The following SYTL3 variants were observed in gnomAD, a reference collection of about 807,000 sequenced individuals.
SYTL3 encodes synaptotagmin like 3.
A neutral mutation model predicts 82.1 loss-of-function variants in SYTL3; 88 were observed. The ratio of observed to expected loss-of-function variants is 1.07; its 90% CI spans 0.90 to 1.28. The LOEUF (loss-of-function observed/expected upper bound fraction) is 1.28. Ranked by LOEUF, SYTL3 falls within the 50% of genes most tolerant of loss-of-function variation. The probability of loss-of-function intolerance (pLI) is 0.00; values close to 1 mark genes in which losing one functional copy is unlikely to be tolerated. For synonymous variants in SYTL3, 311 were observed against 289.4 expected, an observed-to-expected ratio of 1.07 and a Z score of -0.76; for missense variants, 831 against 757.6, an observed-to-expected ratio of 1.10 and a Z score of -1.14.
chr6:158,723,643 G>C (rs542300386), intron 10 of SYTL3, among the ~76,000 whole-genome samples: 13 of 152,210 alleles, frequency 8.5e-5, no homozygotes, highest in African/African-American at 3.1e-4. Context: ...CCATCTCCAG[G>C]ACTTTCTTCT....
Position 158,762,084 on chromosome 6 carries a change from C to T in SYTL3, c.1423C>T (p.Gln475Ter), listed in dbSNP as rs766430384. Residue 475 changes from glutamine (Q) to a stop codon, truncating the protein, a stop_gained, in exon 16 of 18, where the codon CAG becomes TAG. Coordinates refer to ENST00000611299, the MANE Select transcript of SYTL3 (RefSeq NM_001242394.2). LOFTEE classifies it high-confidence loss of function. ...KLQEAQEGTD[Q>*]PSLHGQLCLV... ...ACTGGCTTTCCTTCCAGGGACAGATCAGCCATCACTTCATGGTCAACTTTG... is the reference window on the plus strand; with the variant it reads ...ACTGGCTTTCCTTCCAGGGACAGATTAGCCATCACTTCATGGTCAACTTTG... 9.3e-6 allele frequency: 15 copies of T among 1,612,850 alleles called. No individual in the cohort carries two copies. Among genetic ancestry groups the T allele is most frequent in the Non-Finnish European group, 1.2e-5 (14 of 1,178,984 alleles).
rs758185820 is a variant in SYTL3 at position 158,764,670 on chromosome 6, G to A, written c.*66G>A. On this transcript the variant is annotated 3_prime_UTR_variant, in exon 18 of 18. Coordinates refer to ENST00000611299, the MANE Select transcript of SYTL3 (RefSeq NM_001242394.2). Reference sequence around the variant, plus strand: ...CACTGTGCGTCTGCAGAGGGGCTACGAACCAGGTGCAGGGTCCCAGCTGGA... The same window carrying A: ...CACTGTGCGTCTGCAGAGGGGCTACAAACCAGGTGCAGGGTCCCAGCTGGA... 1.9e-5 allele frequency: 22 copies of A among 1,184,080 alleles called. No individual in the cohort carries two copies. The highest frequency in any genetic ancestry group is 1.9e-4 in the Middle Eastern group (1 of 5,276). The allele number at this position is 1,184,080 out of a possible 1,614,324, so 73.3% of individuals were successfully genotyped here. A position where few individuals can be genotyped will look rare whatever the true frequency, so the allele number is the denominator to read the frequency against.
chr6:158,737,429 T>G (rs1786328042), intron 11 of SYTL3, among the ~76,000 whole-genome samples: 1 of 152,250 alleles, frequency 6.6e-6, no homozygotes, highest in Non-Finnish European at 1.5e-5. Context: ...CTGAGTTTTC[T>G]GCCCTTGTGA....
intron 5 of SYTL3, among the ~76,000 whole-genome samples, chr6:158,676,316 A>C (rs1163967379): frequency 6.6e-6 from 1 of 152,152 alleles, no homozygotes; most frequent in African/African-American, 2.4e-5. Flanking sequence ...AGGATTCCCT[A>C]TTTAATAAAT....
chr6:158,725,361 A>C, intron 10 of SYTL3, 142 bp from the exon 11 acceptor site: 1 of 823,896 alleles, frequency 1.2e-6, no homozygotes. Flanking sequence ...GCACGCATTT[A>C]CCAAATGCAG....
At chr6:158,703,504 G>A (rs1781569215) in intron 6 of SYTL3, among the ~76,000 whole-genome samples, 1 of 152,230 alleles carries the variant, frequency 6.6e-6, no homozygotes, top group Non-Finnish European at 1.5e-5. Flanking sequence ...GCTCTTTAAG[G>A]AAGCTTCTAG....
Position 158,663,251 on chromosome 6 carries a change from A to G in SYTL3, c.-18A>G. On this transcript the variant is annotated 5_prime_UTR_variant, in exon 4 of 18. Coordinates refer to ENST00000611299, the MANE Select transcript of SYTL3 (RefSeq NM_001242394.2). Reference sequence around the variant, plus strand: ...CAGTGAAGCTCTTCCAACCTGGGTCAACGAAAACGGAGAAGAAATGGCCCA... The same window carrying G: ...CAGTGAAGCTCTTCCAACCTGGGTCGACGAAAACGGAGAAGAAATGGCCCA... 6.2e-7 allele frequency: 1 copy of G among 1,613,608 alleles called. No individual in the cohort carries two copies. Among genetic ancestry groups the G allele is most frequent in the East Asian group, 2.2e-5 (1 of 44,876 alleles).
At chr6:158,676,810 CA>C (rs1327754151) in intron 5 of SYTL3, among the ~76,000 whole-genome samples, 5 of 152,120 alleles carry the variant, frequency 3.3e-5, no homozygotes, top group African/African-American at 1.2e-4. Flanking sequence ...AAAAAATGCT[CA>C]TCATCACTGG....
Position 158,762,118 on chromosome 6 carries a change from T to G in SYTL3, c.1457T>G (p.Val486Gly), listed in dbSNP as rs755466241. The G allele has an allele frequency of 6.2e-7, 1 of 1,614,056 alleles. No individual in the cohort carries two copies. The highest frequency in any genetic ancestry group is 8.5e-7 in the Non-Finnish European group (1 of 1,179,996). The stretch of plus-strand genomic sequence containing the variant: ...CTTCATGGTCAACTTTGTTTGGTAG[T>G]GCTAGGAGCCAAGAATTTACCTGTG... ...PSLHGQLCLV[V>G]LGAKNLPVRP... The change falls in exon 16 of 18, where the codon GTG becomes GGG. Residue 486 changes from valine (V) to glycine (G), a missense_variant. By Grantham distance (109) the Val-to-Gly change is moderately radical (BLOSUM62 -3). Coordinates refer to ENST00000611299, the MANE Select transcript of SYTL3 (RefSeq NM_001242394.2).
At chr6:158,673,921 T>C (rs1777696705) in intron 5 of SYTL3, among the ~76,000 whole-genome samples, 1 of 150,734 alleles carries the variant, frequency 6.6e-6, no homozygotes, top group African/African-American at 2.4e-5. Flanking sequence ...CTGTCTCTAC[T>C]AAAAATACAA....
intron 17 of SYTL3, among the ~76,000 whole-genome samples, chr6:158,763,940 G>A (rs1187608934): frequency 6.6e-6 from 1 of 151,934 alleles, no homozygotes; most frequent in Non-Finnish European, 1.5e-5. Flanking sequence ...GCCCTCTGCT[G>A]TGAGGTTCTG....
At chr6:158,763,205 G>A (rs762659389) in intron 16 of SYTL3, 99 bp from the exon 17 acceptor site, 15 of 1,153,608 alleles carry the variant, frequency 1.3e-5, no homozygotes, top group Non-Finnish European at 1.9e-5. Flanking sequence ...TGTGGACTTG[G>A]CACTTTTCTT....
At chr6:158,708,171 G>T in intron 7 of SYTL3, 151 bp from the exon 8 acceptor site, 1 of 710,332 alleles carries the variant, frequency 1.4e-6, no homozygotes, top group East Asian at 2.6e-5. Flanking sequence ...GGTCCAAGCA[G>T]GGCTGCTGGC....
intron 11 of SYTL3, among the ~76,000 whole-genome samples, chr6:158,735,482 G>A (rs559628348): frequency 3.5e-4 from 53 of 152,070 alleles, no homozygotes; most frequent in Non-Finnish European, 6.9e-4. Flanking sequence ...GCATTGAATC[G>A]TAACCTGTTC....
At chr6:158,713,494 C>T (rs1782998020) in intron 8 of SYTL3, among the ~76,000 whole-genome samples, 1 of 152,100 alleles carries the variant, frequency 6.6e-6, no homozygotes, top group Non-Finnish European at 1.5e-5. Context: ...CAATGAAATG[C>T]CAGTCATCAT....
chr6:158,656,181 G>C (rs1245980584), intron 2 of SYTL3, among the ~76,000 whole-genome samples: 1 of 152,178 alleles, frequency 6.6e-6, no homozygotes, highest in African/African-American at 2.4e-5. Context: ...TCACCCTAGA[G>C]ATGCCTTCTC....
intron 6 of SYTL3, among the ~76,000 whole-genome samples, chr6:158,692,298 G>A (rs1221826586): frequency 6.6e-5 from 8 of 121,476 alleles, no homozygotes; most frequent in Non-Finnish European, 1.7e-5. Context: ...AAAAAAAAGG[G>A]TTAAATGTAA....
intron 6 of SYTL3, among the ~76,000 whole-genome samples, chr6:158,702,326 CAAA>C (rs1193990568): frequency 9.9e-5 from 7 of 70,668 alleles, no homozygotes; most frequent in Non-Finnish European, 8.9e-5. Flanking sequence ...GACTCTGTCT[CAAA>C]AAAAAAAAAA....
chr6:158,763,345 C>G lies in SYTL3; in HGVS notation c.1559C>G (p.Ser520Trp), dbSNP rs766062802. Residue 520 changes from serine to tryptophan, a missense_variant, in exon 17 of 18, where the codon TCG (serine) becomes TGG (tryptophan). By Grantham distance (177) the Ser-to-Trp change is radical. Transcript: ENST00000611299. ...GACCAACAAAAACTGAGACTGAAGT[C>G]GCCAGTCCTGAGGAAGCAGGCTTGC... is the stretch of plus-strand genomic sequence containing the variant. ...LPDQQKLRLKSPVLRKQACPQ... is the reference protein window; with the variant it reads ...LPDQQKLRLKWPVLRKQACPQ... The G allele has an allele frequency of 1.9e-6, 3 of 1,614,070 alleles. No individual in the cohort carries two copies. Among genetic ancestry groups the G allele is most frequent in the Non-Finnish European group, 2.5e-6 (3 of 1,180,046 alleles).
Sources: gnomAD v4.1 joint callset for allele counts (sites outside exome capture counted in the v4.1 genomes callset) on GRCh38, gnomAD v4.1.1 for gene constraint, MANE v1.5 for transcripts, NCBI Gene and HGNC (gene_info 2026-07-23, HGNC 2026-07-21) for gene names.